MTPAP: variants seen among roughly 807,000 people sequenced by gnomAD.
MTPAP encodes the protein mitochondrial poly(A) polymerase.
MTPAP carries 23 observed loss-of-function variants against 48.7 expected under a neutral mutation model. The observed-to-expected ratio is 0.47, with a 90% CI of 0.34 to 0.67. The LOEUF (loss-of-function observed/expected upper bound fraction) is 0.67. MTPAP is among the 30% of genes least tolerant of loss of function. The pLI, the probability that MTPAP is intolerant of heterozygous loss-of-function variation, is 0.01. For synonymous variants in MTPAP, 257 were observed against 254.1 expected, an observed-to-expected ratio of 1.01 and a Z score of -0.11; for missense variants, 614 against 694.3, an observed-to-expected ratio of 0.88 and a Z score of 1.30.
rs564262164 is a variant in MTPAP at position 30,349,065 on chromosome 10, C to T, written c.157+54G>A. 26 of 1,612,828 alleles carry T rather than the reference C, an allele frequency of 1.6e-5. 1 individual carries two copies. The South Asian group carries it at 2.9e-4, about 18-fold the overall frequency. ...ACAGGCCACGTGTTTCCCCGTGATC[C>T]CAGACTCCTCGCCCGCTGTGGGACG... On this transcript the variant is annotated intron_variant, in intron 1 of 8. Coordinates refer to ENST00000263063, the MANE Select transcript of MTPAP (RefSeq NM_018109.4).
At chr10:30,314,963 T>C (rs1473816690) in intron 8 of MTPAP, among the ~76,000 whole-genome samples, 1 of 151,594 alleles carries the variant, frequency 6.6e-6, no homozygotes, top group African/African-American at 2.4e-5. Flanking sequence ...CATAAGCCAT[T>C]AGTCTATATA....
chr10:30,317,069 CTTT>C (rs1840672343), intron 6 of MTPAP, among the ~76,000 whole-genome samples: 1 of 151,924 alleles, frequency 6.6e-6, no homozygotes, highest in African/African-American at 2.4e-5. Flanking sequence ...AATCTCAAAT[CTTT>C]TTATCTTCTT....
Position 30,320,898 on chromosome 10 carries a change from G to A in MTPAP, c.1219+1493C>T, listed in dbSNP as rs770510425. Among the ~76,000 whole-genome samples the A allele has an allele frequency of 4.6e-5, 7 of 152,298 alleles. 1 individual carries two copies. The Middle Eastern group carries it at 0.014, about 296-fold the overall frequency. On this transcript the variant is annotated intron_variant, in intron 6 of 8. Coordinates refer to ENST00000263063, the MANE Select transcript of MTPAP (RefSeq NM_018109.4). ...AGTTCCGTTATTTTTCCCCACGATG[G>A]TTTCTATGAGAGTAGCATTAAGCAC...
chr10:30,340,018 A>G (rs927296121), intron 3 of MTPAP: 6 of 587,022 alleles, frequency 1.0e-5, no homozygotes, highest in African/African-American at 1.9e-5. Flanking sequence ...GCATGACGAC[A>G]TTCTTAGAAA....
rs148394982 is a variant in MTPAP at position 30,338,337 on chromosome 10, C to T, written c.556-1310G>A. Among the ~76,000 whole-genome samples, 689 of 151,486 alleles carry T rather than the reference C, an allele frequency of 4.5e-3. 1 individual carries two copies. Among genetic ancestry groups the T allele is most frequent in the African/African-American group, 0.015 (616 of 41,388 alleles). On this transcript the variant is annotated intron_variant, in intron 3 of 8. Transcript: ENST00000263063. ...ATAACATTAACATAACATAACATAA[C>T]GTAACATAACTGAACTGAACTGAAC... is the stretch of plus-strand genomic sequence containing the variant.
At chr10:30,322,149 C>T (rs1840732961) in intron 6 of MTPAP, among the ~76,000 whole-genome samples, 1 of 152,120 alleles carries the variant, frequency 6.6e-6, no homozygotes, top group African/African-American at 2.4e-5. Flanking sequence ...GAAGCTCCAG[C>T]TATCTCACAA....
chr10:30,332,702 AG>A (rs1263012820), intron 4 of MTPAP, among the ~76,000 whole-genome samples: 1 of 152,222 alleles, frequency 6.6e-6, no homozygotes, highest in African/African-American at 2.4e-5. Flanking sequence ...AAAAGTTTCT[AG>A]GCCAGGTGCA....
At chr10:30,322,321 T>G in intron 6 of MTPAP, 70 bp downstream of exon 6, 1 of 1,264,072 alleles carries the variant, frequency 7.9e-7, no homozygotes, top group Non-Finnish European at 1.2e-6. Context: ...GGGACTTTGG[T>G]AACACATGGT....
In MTPAP at chr10:30,329,142, G is replaced by A. The variant is rs369955293; in HGVS notation, c.781-2507C>T. Among the ~76,000 whole-genome samples the A allele has an allele frequency of 2.6e-5, 4 of 152,150 alleles. No homozygotes were observed. In the South Asian group the frequency reaches 6.2e-4, roughly 24 times the overall value. ...GCAAGCCTGTAATCCCAGCTACTCA[G>A]GAGGCTGAAGCAGGAGAATAGCTTG... is the stretch of plus-strand genomic sequence containing the variant. On this transcript the variant is annotated intron_variant, in intron 4 of 8. Transcript: ENST00000263063.
At chr10:30,344,011 T>C (rs969640540) in intron 1 of MTPAP, among the ~76,000 whole-genome samples, 3 of 152,236 alleles carry the variant, frequency 2.0e-5, no homozygotes, top group African/African-American at 7.2e-5. Context: ...TTTCTCAAGC[T>C]ATCCTCCACA....
At chr10:30,316,626 A>T (rs1028850942) in intron 6 of MTPAP, among the ~76,000 whole-genome samples, 4 of 151,166 alleles carry the variant, frequency 2.6e-5, no homozygotes, top group African/African-American at 4.9e-5. Context: ...GCGGTGGCTC[A>T]CACCTGTAAT....
chr10:30,325,867 GGAT>G (rs1469145083), intron 5 of MTPAP, among the ~76,000 whole-genome samples: 3 of 133,668 alleles, frequency 2.2e-5, no homozygotes, highest in Non-Finnish European at 4.6e-5. Flanking sequence ...CAAATCACTA[GGAT>G]AATACAATGC....
Position 30,313,241 on chromosome 10 carries a change from C to T in MTPAP, c.*368G>A. ...AAAGCACATTACAATAATCTTTCAC[C>T]CATTCCTTGTGGCTTATGTTTATTT... On this transcript the variant is annotated 3_prime_UTR_variant, in exon 9 of 9. Coordinates refer to ENST00000263063, the MANE Select transcript of MTPAP (RefSeq NM_018109.4). The T allele has an allele frequency of 4.1e-6, 1 of 244,458 alleles. No homozygotes were observed. 15.1% of individuals were successfully genotyped at this position (244,458 alleles called of 1,614,324 possible).
At chr10:30,323,224 G>A (rs1276849400) in intron 5 of MTPAP, among the ~76,000 whole-genome samples, 1 of 151,072 alleles carries the variant, frequency 6.6e-6, no homozygotes, top group Non-Finnish European at 1.5e-5. Context: ...AGGCTGAGGC[G>A]GGCGGATCAC....
chr10:30,313,296 T>C lies in MTPAP; in HGVS notation c.*313A>G. ...TTTTTTTAGAGATGGAATCTTGCTA[T>C]GTTGTCCACGATGGATTCAAAATCC... On this transcript the variant is annotated 3_prime_UTR_variant, in exon 9 of 9. Coordinates refer to ENST00000263063, the MANE Select transcript of MTPAP (RefSeq NM_018109.4). The C allele has an allele frequency of 3.1e-6, 1 of 323,538 alleles. No individual in the cohort carries two copies. The highest frequency in any genetic ancestry group is 4.4e-5 in the South Asian group (1 of 22,986). The allele number at this position is 323,538 out of a possible 1,614,324, so 20.0% of individuals were successfully genotyped here.
At chr10:30,315,625 A>G (rs1378604905) in intron 8 of MTPAP, among the ~76,000 whole-genome samples, 1 of 152,234 alleles carries the variant, frequency 6.6e-6, no homozygotes, top group Non-Finnish European at 1.5e-5. Context: ...ACACAAATCC[A>G]GTTTAAAAAC....
At chr10:30,338,921 A>C (rs1834763884) in intron 3 of MTPAP, among the ~76,000 whole-genome samples, 1 of 151,926 alleles carries the variant, frequency 6.6e-6, no homozygotes, top group African/African-American at 2.4e-5. Flanking sequence ...CAGGAGATCG[A>C]GACCATCCTG....
In MTPAP at chr10:30,323,877, C is replaced by T. The variant is rs550835739; in HGVS notation, c.993-1260G>A. On this transcript the variant is annotated intron_variant, in intron 5 of 8. Transcript: ENST00000263063. ...AAATAATATGTAAAACACACAAAGG[C>T]GCTTTATAATTATTAATAAATGGCT... is the stretch of plus-strand genomic sequence containing the variant. 1.6e-4 allele frequency among the ~76,000 whole-genome samples: 24 copies of T among 152,232 alleles called. No homozygotes were observed. The South Asian group carries it at 4.4e-3, about 28-fold the overall frequency.
chr10:30,326,681 A>G, intron 4 of MTPAP, 46 bp from the exon 5 acceptor site: 1 of 1,456,576 alleles, frequency 6.9e-7, no homozygotes, highest in Non-Finnish European at 9.6e-7. Context: ...GGTAAAAAAA[A>G]CAATTTTTTA....
Sources: gnomAD v4.1 joint callset for allele counts (sites outside exome capture counted in the v4.1 genomes callset) on GRCh38, gnomAD v4.1.1 for gene constraint, MANE v1.5 for transcripts, NCBI Gene and HGNC (gene_info 2026-07-23, HGNC 2026-07-21) for gene names.